Variants in FBXO34 observed in about 807,000 individuals in gnomAD.
The protein encoded by FBXO34 is F-box protein 34, also known as F-box only protein 34.
FBXO34 carries 12 observed loss-of-function variants against 24.5 expected under a neutral mutation model. The observed-to-expected ratio is 0.49, with a 90% CI of 0.31 to 0.79. The LOEUF is 0.79. Among genes scored for constraint, FBXO34 ranks in the 30% least tolerant of loss-of-function variants. The probability of loss-of-function intolerance (pLI) is 0.04; values close to 1 mark genes in which losing one functional copy is unlikely to be tolerated. For missense variants in FBXO34, 823 were observed against 857.7 expected, an observed-to-expected ratio of 0.96 and a Z score of 0.51; for synonymous variants, 320 against 311.9, an observed-to-expected ratio of 1.03 and a Z score of -0.27.
rs1027372369 is a variant in FBXO34 at position 55,321,210 on chromosome 14, C to G, written c.-10-29171C>G. Among the ~76,000 whole-genome samples, 4 of 148,070 alleles carry G rather than the reference C, an allele frequency of 2.7e-5. No homozygotes were observed. The Admixed American group carries it at 2.7e-4, about 10-fold the overall frequency. The stretch of plus-strand genomic sequence containing the variant: ...GTGACTTGTCAAAAAATAGATGATA[C>G]TTATCAGGAATATTTGGCCATCTTG... On this transcript the variant is annotated intron_variant, in intron 1 of 1. Transcript: ENST00000313833.
At chr14:55,338,937 A>G (rs1270569740) in intron 1 of FBXO34, among the ~76,000 whole-genome samples, 2 of 146,904 alleles carry the variant, frequency 1.4e-5, no homozygotes, top group African/African-American at 5.0e-5. Context: ...AAAAAAAGCC[A>G]AAAAAAACCC....
At chr14:55,305,127 T>TCTTTGGCCGGCCTGATGGCCGGGCCATCA (rs1882493856) in intron 1 of FBXO34, among the ~76,000 whole-genome samples, 1 of 152,128 alleles carries the variant, frequency 6.6e-6, no homozygotes, top group Non-Finnish European at 1.5e-5. Context: ...CAAAAATGAG[T>TCTTTGGCCGGCCTGATGGCCGGGCCATCA]CTTGGCCGGG....
At chr14:55,369,718 C>T, downstream of FBXO34, 1 of 1,612,340 alleles carries the variant, frequency 6.2e-7, no homozygotes, top group Non-Finnish European at 8.5e-7. Context: ...GTGGGGACGC[C>T]TGGGTGCTCT....
intron 1 of FBXO34, among the ~76,000 whole-genome samples, chr14:55,319,301 C>A (rs750060911): frequency 6.6e-6 from 1 of 152,110 alleles, no homozygotes; most frequent in Admixed American, 6.5e-5. Flanking sequence ...TACATGTGAT[C>A]GATTTTTAGG....
At chr14:55,271,697 G>GT (rs1321289510) in intron 1 of FBXO34, among the ~76,000 whole-genome samples, 160 bp downstream of exon 1, 2 of 150,430 alleles carry the variant, frequency 1.3e-5, no homozygotes, top group Non-Finnish European at 3.0e-5. Context: ...CGGGTCCGGG[G>GT]TAGGGACCCG....
At chr14:55,393,209 G>A in the FBXO34 span, among the ~76,000 whole-genome samples, 77,480 of 151,232 alleles carry the variant, frequency 0.51, 22,841 homozygotes, top group African/African-American at 0.83. Context: ...GTGAAACCCC[G>A]TCTCTACTAA....
chr14:55,372,140 G>A (rs1884833313), downstream of FBXO34, among the ~76,000 whole-genome samples: 1 of 151,942 alleles, frequency 6.6e-6, no homozygotes. Flanking sequence ...TCACATATCT[G>A]AACCAGTCTC....
At chr14:55,374,198 G>GT (rs1188241323), downstream of FBXO34, among the ~76,000 whole-genome samples, 6 of 150,446 alleles carry the variant, frequency 4.0e-5, no homozygotes, top group East Asian at 1.2e-3. Context: ...TGCATTTTAA[G>GT]TTTTTTATTA....
At position 55,339,815 on chromosome 14, in the gene FBXO34, A is replaced by G. The variant is rs142905948; in HGVS notation, c.-10-10566A>G. Among the ~76,000 whole-genome samples, 1,494 of 152,352 alleles carry G rather than the reference A, an allele frequency of 9.8e-3. 14 individuals are homozygous for G. Among genetic ancestry groups the G allele is most frequent in the Middle Eastern group, 0.024 (7 of 294 alleles). On this transcript the variant is annotated intron_variant, in intron 1 of 1. Transcript: ENST00000313833. ...TACAAGTAGTAATTCTAAACAGAGTATACCTTAACCAGCCAGTGCACATAC... is the reference window on the plus strand; with the variant it reads ...TACAAGTAGTAATTCTAAACAGAGTGTACCTTAACCAGCCAGTGCACATAC...
chr14:55,344,491 T>A (rs1884094025), intron 1 of FBXO34, among the ~76,000 whole-genome samples: 1 of 152,106 alleles, frequency 6.6e-6, no homozygotes. Context: ...TTTCGCCTCC[T>A]GGATATCTCT....
chr14:55,375,716 C>G, the FBXO34 span, among the ~76,000 whole-genome samples: 1,278 of 152,132 alleles, frequency 8.4e-3, 22 homozygotes, highest in African/African-American at 0.03. Context: ...CTACAATACT[C>G]CCAACTTAGT....
At chr14:55,330,416 T>C (rs376346568) in intron 1 of FBXO34, among the ~76,000 whole-genome samples, 2 of 152,202 alleles carry the variant, frequency 1.3e-5, no homozygotes, top group Admixed American at 1.3e-4. Flanking sequence ...ACTCATACTA[T>C]ATTCTTTTTG....
At chr14:55,305,177 T>G (rs1882496318) in intron 1 of FBXO34, among the ~76,000 whole-genome samples, 1 of 151,238 alleles carries the variant, frequency 6.6e-6, no homozygotes, top group Non-Finnish European at 1.5e-5. Context: ...CTTCAGGAGG[T>G]CGAGGCGGGT....
intron 1 of FBXO34, among the ~76,000 whole-genome samples, chr14:55,347,472 C>A (rs1884196658): frequency 6.6e-6 from 1 of 152,200 alleles, no homozygotes; most frequent in African/African-American, 2.4e-5. Flanking sequence ...TCAAACCCAG[C>A]AAATGATGGG....
In FBXO34 at chr14:55,351,223, G is replaced by A. The variant is rs200067350; in HGVS notation, c.833G>A (p.Arg278His). 6.1e-5 allele frequency: 99 copies of A among 1,614,066 alleles called. No homozygotes were observed. The highest frequency in any genetic ancestry group is 5.8e-4 in the East Asian group (26 of 44,904). Residue 278 changes from arginine (R) to histidine (H), a missense_variant, in exon 2 of 2, where the codon CGT becomes CAT. Physicochemically the swap from Arg to His is conservative, Grantham distance 29. Coordinates refer to ENST00000313833, the MANE Select transcript of FBXO34 (RefSeq NM_017943.4). ...EVGEPQSEPVRVLDMVAKLES... is the reference protein window; with the variant it reads ...EVGEPQSEPVHVLDMVAKLES... ...GGTGAACCACAGAGCGAACCAGTCC[G>A]TGTCCTTGACATGGTAGCCAAGTTG... is the stretch of plus-strand genomic sequence containing the variant.
chr14:55,430,112 C>T, the FBXO34 span, among the ~76,000 whole-genome samples: 4 of 152,140 alleles, frequency 2.6e-5, no homozygotes, highest in African/African-American at 9.7e-5. Flanking sequence ...GGTGAGGCTT[C>T]ATTTCTCCTT....
At chr14:55,277,390 A>G (rs1270597362) in intron 1 of FBXO34, among the ~76,000 whole-genome samples, 17 of 152,202 alleles carry the variant, frequency 1.1e-4, no homozygotes. Context: ...TGCAATTCAT[A>G]GCTCACTGTA....
At chr14:55,314,399 C>T (rs551738714) in intron 1 of FBXO34, among the ~76,000 whole-genome samples, 23 of 152,270 alleles carry the variant, frequency 1.5e-4, no homozygotes, top group Admixed American at 4.6e-4. Context: ...AGATAGTTAA[C>T]CAAATACACA....
chr14:55,399,529 A>G, the FBXO34 span, among the ~76,000 whole-genome samples: 1 of 152,242 alleles, frequency 6.6e-6, no homozygotes, highest in Non-Finnish European at 1.5e-5. Context: ...TACCTGCAAC[A>G]CAAAACAAGG....
Sources: gnomAD v4.1 joint callset for allele counts (sites outside exome capture counted in the v4.1 genomes callset) on GRCh38, gnomAD v4.1.1 for gene constraint, MANE v1.5 for transcripts, NCBI Gene and HGNC (gene_info 2026-07-23, HGNC 2026-07-21) for gene names.